Variants in CTNNA2 observed in about 807,000 individuals in gnomAD.
CTNNA2 encodes the protein catenin alpha-2.
A neutral mutation model predicts 101.0 loss-of-function variants in CTNNA2; 42 were observed. The ratio of observed to expected loss-of-function variants is 0.42; its 90% CI spans 0.32 to 0.54. The LOEUF is 0.54. Among genes scored for constraint, CTNNA2 ranks in the 20% least tolerant of loss-of-function variants. The pLI is 0.14. For synonymous variants in CTNNA2, 450 were observed against 456.4 expected, an observed-to-expected ratio of 0.99 and a Z score of 0.18; for missense variants, 871 against 1,223.1, an observed-to-expected ratio of 0.71 and a Z score of 4.29.
At chr2:80,487,194 T>A (rs953693154) in intron 9 of CTNNA2, among the ~76,000 whole-genome samples, 2 of 148,432 alleles carry the variant, frequency 1.3e-5, no homozygotes, top group Admixed American at 6.8e-5. Context: ...GTCAGGAGAA[T>A]CGCTTGAACC....
At chr2:79,739,888 A>C (rs533142821) in intron 2 of CTNNA2, among the ~76,000 whole-genome samples, 1 of 152,280 alleles carries the variant, frequency 6.6e-6, no homozygotes, top group African/African-American at 2.4e-5. Context: ...ATACTCACTA[A>C]CTGACTTGAG....
intron 15 of CTNNA2, among the ~76,000 whole-genome samples, chr2:80,599,229 A>G (rs1360665135): frequency 6.6e-6 from 1 of 152,200 alleles, no homozygotes; most frequent in East Asian, 1.9e-4. Flanking sequence ...TAAGTGTTCT[A>G]TAATTACATG....
At chr2:79,378,576 G>A (rs1387066852) in intron 4 of CTNNA2, among the ~76,000 whole-genome samples, 10 of 152,028 alleles carry the variant, frequency 6.6e-5, no homozygotes, top group Admixed American at 5.9e-4. Context: ...GTCATTTGTC[G>A]AGGAGATGTT....
intron 3 of CTNNA2, among the ~76,000 whole-genome samples, chr2:79,852,252 T>G (rs1680777012): frequency 6.6e-6 from 1 of 152,216 alleles, no homozygotes; most frequent in Non-Finnish European, 1.5e-5. Flanking sequence ...GATGTTGTCC[T>G]TGGTTATTAA....
chr2:79,358,242 C>A (rs1677552006), intron 3 of CTNNA2, among the ~76,000 whole-genome samples: 1 of 151,454 alleles, frequency 6.6e-6, no homozygotes, highest in Non-Finnish European at 1.5e-5. Context: ...TCTAGTCACC[C>A]AGGCTGGAGT....
chr2:79,331,578 G>T (rs1420687940), intron 3 of CTNNA2, among the ~76,000 whole-genome samples: 2 of 152,162 alleles, frequency 1.3e-5, no homozygotes, highest in Non-Finnish European at 2.9e-5. Context: ...CACGGACCCA[G>T]ATCCTCACAG....
intron 3 of CTNNA2, among the ~76,000 whole-genome samples, chr2:79,766,046 G>T (rs917085517): frequency 2.0e-5 from 3 of 152,130 alleles, no homozygotes; most frequent in Non-Finnish European, 4.4e-5. Flanking sequence ...TTCTACTTAG[G>T]ATAAGAGTAG....
At chr2:80,090,908 A>G (rs1699755753) in intron 7 of CTNNA2, among the ~76,000 whole-genome samples, 1 of 152,124 alleles carries the variant, frequency 6.6e-6, no homozygotes, top group Non-Finnish European at 1.5e-5. Context: ...TTTCTGGAGA[A>G]GATGAAGAGA....
At chr2:79,697,102 T>A (rs140993047) in intron 2 of CTNNA2, among the ~76,000 whole-genome samples, 81 of 152,156 alleles carry the variant, frequency 5.3e-4, no homozygotes, top group Middle Eastern at 3.4e-3. Context: ...CTCATAGTCA[T>A]ATTTAGAACA....
chr2:79,191,397 T>G (rs899249191), intron 1 of CTNNA2, among the ~76,000 whole-genome samples: 1 of 152,206 alleles, frequency 6.6e-6, no homozygotes, highest in Non-Finnish European at 1.5e-5. Flanking sequence ...TTAACTGTTG[T>G]GTTGACCTTG....
intron 13 of CTNNA2, 28 bp from the exon 14 acceptor site, chr2:80,581,678 A>G: frequency 7.2e-7 from 1 of 1,381,290 alleles, no homozygotes. Flanking sequence ...CAATTTAAGT[A>G]TGCTGACTTA....
intron 4 of CTNNA2, among the ~76,000 whole-genome samples, chr2:79,455,713 A>G (rs1670814222): frequency 6.6e-6 from 1 of 152,226 alleles, no homozygotes; most frequent in African/African-American, 2.4e-5. Context: ...ATTCTTGCAT[A>G]CAAGGAATGT....
chr2:80,021,396 A>G lies in CTNNA2; in HGVS notation c.1056+111599A>G, dbSNP rs570221259. Among the ~76,000 whole-genome samples the G allele has an allele frequency of 4.7e-4, 72 of 152,218 alleles. 1 individual carries two copies. In the South Asian group the frequency reaches 0.015, roughly 32 times the overall value. ...TGGTGGGACTGGAATCATTTGTTCA[A>G]TTATCCCTGACTGCATTACCTGCTG... is the stretch of plus-strand genomic sequence containing the variant. On this transcript the variant is annotated intron_variant, in intron 7 of 18. Transcript: ENST00000402739.
In CTNNA2 at chr2:79,956,895, T is replaced by A. The variant is rs184766323; in HGVS notation, c.1056+47098T>A. The stretch of plus-strand genomic sequence containing the variant: ...AGTGTATGAAGCTATTTAAGGCAGT[T>A]AGGTTTGAAAGGAAATGAAAAAATA... On this transcript the variant is annotated intron_variant, in intron 7 of 18. Transcript: ENST00000402739. Among the ~76,000 whole-genome samples, 3 of 148,566 alleles carry A rather than the reference T, an allele frequency of 2.0e-5. No homozygotes were observed. The East Asian group carries it at 5.9e-4, about 29-fold the overall frequency.
intron 3 of CTNNA2, among the ~76,000 whole-genome samples, chr2:79,754,493 C>T (rs904313873): frequency 6.6e-6 from 1 of 152,152 alleles, no homozygotes; most frequent in Admixed American, 6.5e-5. Flanking sequence ...CCTCCTCCTT[C>T]ATTTGCCCTA....
intron 7 of CTNNA2, among the ~76,000 whole-genome samples, chr2:80,182,110 G>T (rs1478662482): frequency 6.6e-6 from 1 of 152,172 alleles, no homozygotes; most frequent in African/African-American, 2.4e-5. Context: ...TAGGCCATCT[G>T]CAAGCTGAGG....
At chr2:79,285,830 ATCTG>A (rs1167014925) in intron 2 of CTNNA2, among the ~76,000 whole-genome samples, 1 of 147,380 alleles carries the variant, frequency 6.8e-6, no homozygotes, top group African/African-American at 2.6e-5. Flanking sequence ...TGTCTCGTTG[ATCTG>A]TCTAATGTTG....
chr2:79,756,519 C>A (rs1006821089), intron 3 of CTNNA2, among the ~76,000 whole-genome samples: 5 of 151,550 alleles, frequency 3.3e-5, no homozygotes, highest in Non-Finnish European at 7.4e-5. Flanking sequence ...TATGGAAGTG[C>A]AATTTAAAAA....
intron 2 of CTNNA2, chr2:79,687,480 G>T (rs911181720): frequency 1.9e-5 from 10 of 533,018 alleles, no homozygotes; most frequent in Admixed American, 3.8e-5. Flanking sequence ...ATTTTGATTA[G>T]CTTTCATTTT....
Sources: allele counts gnomAD v4.1 joint callset (sites outside exome capture counted in the v4.1 genomes callset), GRCh38; gene constraint gnomAD v4.1.1; transcripts MANE v1.5; gene names NCBI Gene and HGNC (gene_info 2026-07-23, HGNC 2026-07-21).